MACROD2: variants seen among roughly 807,000 people sequenced by gnomAD.
The protein encoded by MACROD2 is ADP-ribose glycohydrolase MACROD2.
Under a neutral mutation model 70.4 loss-of-function variants are expected in MACROD2, and 36 were observed. That is an observed-to-expected ratio of 0.51 (90% CI 0.39 to 0.68). MACROD2 has a LOEUF of 0.68. MACROD2 is among the 30% of genes least tolerant of loss of function. The pLI is 0.00. For missense variants in MACROD2, 496 were observed against 538.4 expected, an observed-to-expected ratio of 0.92 and a Z score of 0.78; for synonymous variants, 172 against 178.8, an observed-to-expected ratio of 0.96 and a Z score of 0.30.
At chr20:14,875,470 T>C (rs1003702386) in intron 5 of MACROD2, among the ~76,000 whole-genome samples, 7 of 152,216 alleles carry the variant, frequency 4.6e-5, no homozygotes, top group Non-Finnish European at 1.0e-4. Context: ...TGGAAAGCAT[T>C]TAAGTATTTT....
intron 6 of MACROD2, among the ~76,000 whole-genome samples, chr20:15,237,521 T>A (rs911692562): frequency 4.6e-5 from 7 of 152,096 alleles, no homozygotes; most frequent in East Asian, 1.9e-4. Context: ...TGATTTTTTT[T>A]AAATTGATGT....
chr20:14,314,358 A>T (rs1601464564), intron 3 of MACROD2, among the ~76,000 whole-genome samples: 1 of 152,232 alleles, frequency 6.6e-6, no homozygotes, highest in Non-Finnish European at 1.5e-5. Flanking sequence ...AAATGCAAAC[A>T]AAGTCTGTTG....
chr20:14,950,408 C>A (rs547716109), intron 5 of MACROD2, among the ~76,000 whole-genome samples: 1 of 152,200 alleles, frequency 6.6e-6, no homozygotes, highest in South Asian at 2.1e-4. Flanking sequence ...ATTAGAATAG[C>A]AGGATTGAGA....
In MACROD2 at chr20:14,717,858, G is replaced by A. The variant is rs535838080; in HGVS notation, c.418+32899G>A. 1.5e-4 allele frequency among the ~76,000 whole-genome samples: 23 copies of A among 152,246 alleles called. No homozygotes were observed. The South Asian group carries it at 4.6e-3, about 30-fold the overall frequency. ...GTGACTGTGGACTTAGCAAAAGCTA[G>A]TTGGAGCTAGGGGAGGAAGGAGGCA... On this transcript the variant is annotated intron_variant, in intron 5 of 17. Coordinates refer to ENST00000684519, the MANE Select transcript of MACROD2 (RefSeq NM_001351661.2).
At chr20:14,008,818 C>T (rs762385271) in intron 2 of MACROD2, among the ~76,000 whole-genome samples, 2 of 151,060 alleles carry the variant, frequency 1.3e-5, no homozygotes, top group African/African-American at 4.9e-5. Flanking sequence ...GTCTGCACAC[C>T]TACAACCATG....
chr20:15,882,231 T>TAA (rs1245387854), intron 9 of MACROD2, among the ~76,000 whole-genome samples: 14 of 152,246 alleles, frequency 9.2e-5, no homozygotes, highest in Middle Eastern at 3.4e-3. Flanking sequence ...TGAGAATGAT[T>TAA]ATCCACTAGC....
intron 8 of MACROD2, among the ~76,000 whole-genome samples, chr20:15,545,291 G>T (rs74821640): frequency 6.6e-6 from 1 of 152,344 alleles, no homozygotes; most frequent in East Asian, 1.9e-4. Flanking sequence ...CCTTAAAACA[G>T]TGGGTATTGG....
chr20:15,519,100 T>G (rs2047611679), intron 8 of MACROD2, among the ~76,000 whole-genome samples: 1 of 148,690 alleles, frequency 6.7e-6, no homozygotes, highest in Non-Finnish European at 1.5e-5. Flanking sequence ...CCTTCCTTCC[T>G]TCCTTCCTTC....
intron 8 of MACROD2, among the ~76,000 whole-genome samples, chr20:15,744,109 C>CT (rs148389850): frequency 0.13 from 20,466 of 152,000 alleles, 1,601 homozygotes; most frequent in Non-Finnish European, 0.17. Context: ...AGTTGTATCT[C>CT]TTTTTTTCTT....
At chr20:14,879,679 T>A (rs1409731818) in intron 5 of MACROD2, among the ~76,000 whole-genome samples, 1 of 152,152 alleles carries the variant, frequency 6.6e-6, no homozygotes, top group Non-Finnish European at 1.5e-5. Context: ...CACAAACTGT[T>A]GAGTTAATGG....
intron 5 of MACROD2, chr20:14,757,859 A>G: frequency 6.6e-7 from 1 of 1,510,062 alleles, no homozygotes; most frequent in Non-Finnish European, 9.2e-7. Context: ...CCGTCCAGGG[A>G]CTGGCAGGCC....
chr20:15,331,072 G>A (rs945875691), intron 6 of MACROD2, among the ~76,000 whole-genome samples: 2 of 148,626 alleles, frequency 1.3e-5, no homozygotes, highest in East Asian at 3.9e-4. Flanking sequence ...ACTAGACAAG[G>A]TTGTTAATAT....
At chr20:14,895,860 G>A (rs1007252532) in intron 5 of MACROD2, among the ~76,000 whole-genome samples, 3 of 152,014 alleles carry the variant, frequency 2.0e-5, no homozygotes, top group African/African-American at 7.2e-5. Context: ...TAATAACCTT[G>A]GATGACAAAG....
At chr20:14,254,264 G>A (rs2082035698) in intron 3 of MACROD2, among the ~76,000 whole-genome samples, 1 of 151,684 alleles carries the variant, frequency 6.6e-6, no homozygotes, top group African/African-American at 2.4e-5. Flanking sequence ...AAAAATATTT[G>A]GAAACTATTT....
chr20:14,365,349 ATAAT>A (rs887918309), intron 3 of MACROD2, among the ~76,000 whole-genome samples: 38 of 151,624 alleles, frequency 2.5e-4, no homozygotes, highest in African/African-American at 8.7e-4. Context: ...AATAAATGAA[ATAAT>A]AATGTTCATA....
intron 10 of MACROD2, among the ~76,000 whole-genome samples, chr20:15,907,117 G>A (rs775262072): frequency 3.3e-5 from 5 of 152,132 alleles, no homozygotes; most frequent in Non-Finnish European, 4.4e-5. Context: ...TTGTAATAAC[G>A]CCTTAGCCTT....
chr20:15,890,194 G>A (rs895795429), intron 10 of MACROD2, among the ~76,000 whole-genome samples: 8 of 152,080 alleles, frequency 5.3e-5, no homozygotes, highest in Admixed American at 1.3e-4. Flanking sequence ...TACTTTAGGG[G>A]GTGCTTAGAT....
intron 4 of MACROD2, among the ~76,000 whole-genome samples, chr20:14,644,272 T>G (rs1985252916): frequency 6.6e-6 from 1 of 152,130 alleles, no homozygotes; most frequent in Non-Finnish European, 1.5e-5. Context: ...TAACTGTTAG[T>G]AACACTGAAA....
intron 5 of MACROD2, among the ~76,000 whole-genome samples, chr20:15,132,872 A>C (rs2076116906): frequency 6.6e-6 from 1 of 152,108 alleles, no homozygotes; most frequent in Non-Finnish European, 1.5e-5. Context: ...AGAAGAGCAA[A>C]ATAAAGGGGC....
Sources: allele counts gnomAD v4.1 joint callset (sites outside exome capture counted in the v4.1 genomes callset), GRCh38; gene constraint gnomAD v4.1.1; transcripts MANE v1.5; gene names NCBI Gene and HGNC (gene_info 2026-07-23, HGNC 2026-07-21).